OBI1: variants seen among roughly 807,000 people sequenced by gnomAD.
OBI1 encodes the protein ORC ubiquitin ligase 1, also known as ring finger protein 219.
A neutral mutation model predicts 62.4 loss-of-function variants in OBI1; 59 were observed. The observed-to-expected ratio is 0.95, with a 90% confidence interval of 0.77 to 1.17. OBI1 has a LOEUF of 1.17. Among genes scored for constraint, OBI1 ranks in the 50% most tolerant of loss-of-function variants. OBI1 has a pLI of 0.00. For missense variants in OBI1, 875 were observed against 830.9 expected (o/e 1.05, Z -0.65); for synonymous variants, 302 against 292.8 (o/e 1.03, Z -0.32).
chr13:78,638,931 A>G lies in OBI1; in HGVS notation c.441T>C (p.Asp147=), dbSNP rs939368679. The G allele has an allele frequency of 3.1e-6, 5 of 1,613,856 alleles. No homozygotes were observed. In the African/African-American group the frequency reaches 5.3e-5, roughly 17 times the overall value. Residue 147 remains aspartate (D), a synonymous_variant, in exon 4 of 6, where the codon GAT becomes GAC. Coordinates refer to ENST00000282003, the MANE Select transcript of OBI1 (RefSeq NM_024546.4). ...TTTCTGGGTTAATTTTACTTGGATT[A>G]TCTGTGACTAGATGTTTGTCTTCAT... The part of the protein sequence containing the change: ...NQNEDKHLVT[D]NPSKINPETV...
chr13:78,621,315 C>T (rs1241881797), intron 5 of OBI1, among the ~76,000 whole-genome samples: 1 of 152,194 alleles, frequency 6.6e-6, no homozygotes, highest in Non-Finnish European at 1.5e-5. Flanking sequence ...AAAACCTTCA[C>T]TTCTAGCTTT....
chr13:78,637,118 C>T (rs1011900184), intron 4 of OBI1, among the ~76,000 whole-genome samples: 2 of 152,224 alleles, frequency 1.3e-5, no homozygotes, highest in Non-Finnish European at 1.5e-5. Flanking sequence ...ACACTGGCCT[C>T]ACGATGGTTC....
At chr13:78,645,070 C>T (rs1283549732) in intron 1 of OBI1, 73 bp from the exon 2 acceptor site, 1 of 1,393,832 alleles carries the variant, frequency 7.2e-7, no homozygotes, top group African/African-American at 1.4e-5. Context: ...TAGTTTACAG[C>T]AAACTGCTTC....
At chr13:78,653,101 A>C (rs900616030) in intron 1 of OBI1, among the ~76,000 whole-genome samples, 2 of 152,214 alleles carry the variant, frequency 1.3e-5, no homozygotes, top group African/African-American at 4.8e-5. Flanking sequence ...GACATGCCTA[A>C]GGCTGTTGTT....
At chr13:78,631,412 C>T (rs936956441) in intron 5 of OBI1, among the ~76,000 whole-genome samples, 1 of 152,066 alleles carries the variant, frequency 6.6e-6, no homozygotes, top group African/African-American at 2.4e-5. Flanking sequence ...TTATTTTGTT[C>T]CAAGCATCTA....
intron 1 of OBI1, among the ~76,000 whole-genome samples, chr13:78,656,357 G>A (rs1876700002): frequency 7.7e-6 from 1 of 129,320 alleles, no homozygotes; most frequent in Non-Finnish European, 1.7e-5. Context: ...GCCGAGGCGG[G>A]CAGATCACCT....
rs1875187631 is a variant in OBI1, at chr13:78,614,720, T to C, written c.*860A>G. On this transcript the variant is annotated 3_prime_UTR_variant, in exon 6 of 6. Transcript: ENST00000282003. ...ATCAAGAACTTGGCGATGAGCTCTT[T>C]CAAACCTGTTACATCTGGAACAATG... The C allele has an allele frequency of 6.6e-6, 1 of 152,212 alleles. No homozygotes were observed. Among genetic ancestry groups the C allele is most frequent in the Non-Finnish European group, 1.5e-5 (1 of 68,042 alleles). The allele number at this position is 152,212 out of a possible 1,614,324, so 9.4% of individuals were successfully genotyped here. A position where few individuals can be genotyped will look rare whatever the true frequency, so the allele number is the denominator to read the frequency against.
In OBI1 at chr13:78,645,002, G is replaced by GA. The variant is rs756540729; in HGVS notation, c.73-6dup. 2.5e-6 allele frequency: 4 copies of GA among 1,602,238 alleles called. No homozygotes were observed. The South Asian group carries it at 4.5e-5, about 18-fold the overall frequency. ...GCATATGACAGGCTGACGTACCTTT[G>GA]AAAAAAGAAATCACTTTTAGTACAG... is the stretch of plus-strand genomic sequence containing the variant. On this transcript the variant is annotated splice_polypyrimidine_tract_variant and splice_region_variant and intron_variant, in intron 1 of 5. Transcript: ENST00000282003.
chr13:78,631,034 T>C (rs1011504142), intron 5 of OBI1, among the ~76,000 whole-genome samples: 9 of 152,320 alleles, frequency 5.9e-5, no homozygotes, highest in Admixed American at 5.9e-4. Flanking sequence ...TTATGTTTCA[T>C]AGTTCTTTTT....
In OBI1 at chr13:78,616,969, T is replaced by C. The variant is rs1017680543; in HGVS notation, c.792A>G (p.Lys264=). Residue 264 remains lysine, a synonymous_variant, in exon 6 of 6, where the codon AAA becomes AAG. Coordinates refer to ENST00000282003, the MANE Select transcript of OBI1 (RefSeq NM_024546.4). ...TCTGGCAAATGGAATTCATAGCTTC[T>C]TTCTCTTCACTTGAATTTTTTAGCT... ...VAQLKNSSEE[K]EAMNSICQTA... 6.2e-7 allele frequency: 1 copy of C among 1,614,098 alleles called. No individual in the cohort carries two copies. The highest frequency in any genetic ancestry group is 8.5e-7 in the Non-Finnish European group (1 of 1,180,044).
intron 1 of OBI1, among the ~76,000 whole-genome samples, chr13:78,650,714 A>G (rs1229588183): frequency 1.3e-5 from 2 of 151,906 alleles, no homozygotes; most frequent in Non-Finnish European, 2.9e-5. Flanking sequence ...AATGGATGTC[A>G]GCACAGACAC....
At position 78,639,336 on chromosome 13, in the gene OBI1, G is replaced by T. The variant is rs117778603; in HGVS notation, c.301-265C>A. Among the ~76,000 whole-genome samples, 1,429 of 152,204 alleles carry T rather than the reference G, an allele frequency of 9.4e-3. 12 individuals carry two copies. The highest frequency in any genetic ancestry group is 0.011 in the Non-Finnish European group (751 of 68,010). ...TGATTTTTAAAAATGCCAAATCTTT[G>T]ATTCTATTTAAGATATCATCCAGGT... On this transcript the variant is annotated intron_variant, in intron 3 of 5. Transcript: ENST00000282003.
rs747417109 is a variant in OBI1 at position 78,616,538 on chromosome 13, C to G, written c.1223G>C (p.Ser408Thr). ...GGAACCTCCTGCTTGGACCACAGAG[C>G]TCTCTCTATTTTCTGGAGTACTGAG... ...LQLSTPENRE[S>T]SVVQAGGSKK... Residue 408 changes from serine (S) to threonine (T), a missense_variant, in exon 6 of 6, where the codon AGC (serine) becomes ACC (threonine). Physicochemically the swap from Ser to Thr is moderately conservative, Grantham distance 58. Transcript: ENST00000282003. 1.2e-6 allele frequency: 2 copies of G among 1,613,732 alleles called. No homozygotes were observed. The highest frequency in any genetic ancestry group is 3.3e-5 in the Admixed American group (2 of 59,992).
chr13:78,649,422 C>A (rs1466158409), intron 1 of OBI1, among the ~76,000 whole-genome samples: 2 of 152,156 alleles, frequency 1.3e-5, no homozygotes, highest in Non-Finnish European at 2.9e-5. Context: ...GTTTGATGTG[C>A]ACTGAGATGT....
chr13:78,628,943 G>C (rs1875762823), intron 5 of OBI1, among the ~76,000 whole-genome samples: 2 of 151,780 alleles, frequency 1.3e-5, no homozygotes, highest in Admixed American at 1.3e-4. Flanking sequence ...TATAATCTCT[G>C]ACACATAGGC....
At chr13:78,644,793 C>T in intron 2 of OBI1, 69 bp downstream of exon 2, 1 of 1,515,280 alleles carries the variant, frequency 6.6e-7, no homozygotes, top group Non-Finnish European at 9.2e-7. Flanking sequence ...TTTCAGTCTT[C>T]CTCGAAATAT....
chr13:78,630,699 G>C (rs1875819631), intron 5 of OBI1, among the ~76,000 whole-genome samples: 1 of 152,118 alleles, frequency 6.6e-6, no homozygotes, highest in Non-Finnish European at 1.5e-5. Context: ...AAAAGACACA[G>C]CTGTCTATGA....
chr13:78,645,374 G>C (rs1014189620), intron 1 of OBI1, among the ~76,000 whole-genome samples: 16 of 152,256 alleles, frequency 1.1e-4, no homozygotes, highest in African/African-American at 3.9e-4. Flanking sequence ...ATATCATTTA[G>C]CACAATCATC....
At chr13:78,648,255 TTATC>T (rs1306751534) in intron 1 of OBI1, among the ~76,000 whole-genome samples, 2 of 148,702 alleles carry the variant, frequency 1.3e-5, no homozygotes, top group South Asian at 2.1e-4. Flanking sequence ...AGATACTGCC[TTATC>T]TATCCTGTAA....
Sources: gnomAD v4.1 joint callset for allele counts (sites outside exome capture counted in the v4.1 genomes callset) on GRCh38, gnomAD v4.1.1 for gene constraint, MANE v1.5 for transcripts, NCBI Gene and HGNC (gene_info 2026-07-23, HGNC 2026-07-21) for gene names.